ADAMTSL1: variants seen among roughly 807,000 people sequenced by gnomAD.
ADAMTSL1 encodes ADAMTS like 1.
A neutral mutation model predicts 201.8 loss-of-function variants in ADAMTSL1; 126 were observed. The observed-to-expected ratio is 0.62, with a 90% confidence interval of 0.54 to 0.72. The LOEUF (loss-of-function observed/expected upper bound fraction) is 0.72. Among genes scored for constraint, ADAMTSL1 ranks in the 30% least tolerant of loss-of-function variants. ADAMTSL1 has a pLI of 0.00. For synonymous variants in ADAMTSL1, 1,121 were observed against 903.4 expected, an observed-to-expected ratio of 1.24 and a Z score of -4.32; for missense variants, 2,679 against 2,277.8, an observed-to-expected ratio of 1.18 and a Z score of -3.59.
At chr9:17,952,009 C>T (rs1393240602) in intron 1 of ADAMTSL1, among the ~76,000 whole-genome samples, 2 of 152,000 alleles carry the variant, frequency 1.3e-5, no homozygotes, top group African/African-American at 2.4e-5. Context: ...CTGTATTGCC[C>T]AGGCTAGTCT....
chr9:17,915,331 T>C (rs1826051922), intron 1 of ADAMTSL1, among the ~76,000 whole-genome samples: 1 of 152,216 alleles, frequency 6.6e-6, no homozygotes, highest in African/African-American at 2.4e-5. Flanking sequence ...AGGAGGCTTT[T>C]GGCTTTTTCC....
At chr9:18,543,241 T>A (rs900116288) in intron 3 of ADAMTSL1, among the ~76,000 whole-genome samples, 2 of 152,208 alleles carry the variant, frequency 1.3e-5, no homozygotes. Context: ...GGTTTGTGTG[T>A]TTCTCCTTTT....
At chr9:18,163,520 ACATATGAGTTCAGATC>A (rs1563777322) in intron 1 of ADAMTSL1, among the ~76,000 whole-genome samples, 1 of 151,968 alleles carries the variant, frequency 6.6e-6, no homozygotes, top group Non-Finnish European at 1.5e-5. Context: ...GGTCCAAGAC[ACATATGAGTTCAGATC>A]CATGGATAGC....
chr9:18,293,396 T>C (rs1187883356), intron 2 of ADAMTSL1, among the ~76,000 whole-genome samples: 1 of 152,244 alleles, frequency 6.6e-6, no homozygotes. Flanking sequence ...AGGAGGCATA[T>C]GTCATCAAGA....
intron 1 of ADAMTSL1, among the ~76,000 whole-genome samples, chr9:18,035,562 G>A (rs1821159910): frequency 1.3e-5 from 2 of 152,074 alleles, no homozygotes; most frequent in African/African-American, 4.8e-5. Context: ...TTGTTCAGAT[G>A]ATCCCCTTCT....
At chr9:18,187,656 T>C (rs1417098033) in intron 2 of ADAMTSL1, among the ~76,000 whole-genome samples, 2 of 152,146 alleles carry the variant, frequency 1.3e-5, no homozygotes, top group Non-Finnish European at 2.9e-5. Flanking sequence ...TTTTAATATA[T>C]ATTTGGACTT....
chr9:18,303,523 A>G (rs968237328), intron 2 of ADAMTSL1, among the ~76,000 whole-genome samples: 1 of 152,192 alleles, frequency 6.6e-6, no homozygotes, highest in Admixed American at 6.5e-5. Context: ...GGGCTTCTTC[A>G]GCTACCATAA....
Position 18,904,732 on chromosome 9 carries a change from CT to C in ADAMTSL1, c.4852-1031del, listed in dbSNP as rs373922316. On this transcript the variant is annotated intron_variant, in intron 26 of 28. Coordinates refer to ENST00000380548, the MANE Select transcript of ADAMTSL1 (RefSeq NM_001040272.6). ...ATCCCAGTCATTGGTGTTAAGGGGG[CT>C]TTTTTTTTTTTTTTTTTTACATTTA... is the stretch of plus-strand genomic sequence containing the variant. Among the ~76,000 whole-genome samples the C allele has an allele frequency of 2.6e-3, 146 of 55,248 alleles. 1 individual carries two copies. In the South Asian group the frequency reaches 0.03, roughly 11 times the overall value. 36.2% of individuals were successfully genotyped at this position (55,248 alleles called of 152,430 possible).
chr9:18,857,488 G>C (rs1166045178), intron 23 of ADAMTSL1, among the ~76,000 whole-genome samples: 2 of 152,188 alleles, frequency 1.3e-5, no homozygotes, highest in Non-Finnish European at 2.9e-5. Flanking sequence ...CACATGATTA[G>C]ATGAGTCTTT....
chr9:17,973,044 A>T (rs1366057002), intron 1 of ADAMTSL1, among the ~76,000 whole-genome samples: 1 of 24,452 alleles, frequency 4.1e-5, no homozygotes. Context: ...GTTTGAGTTC[A>T]TTGTAGATTC....
At chr9:18,587,943 G>C (rs1260364458) in intron 4 of ADAMTSL1, among the ~76,000 whole-genome samples, 6 of 152,136 alleles carry the variant, frequency 3.9e-5, no homozygotes, top group African/African-American at 7.2e-5. Context: ...TGGGAATGCA[G>C]GTATCTCTTT....
At chr9:18,147,742 G>C (rs923768674) in intron 1 of ADAMTSL1, among the ~76,000 whole-genome samples, 3 of 152,076 alleles carry the variant, frequency 2.0e-5, no homozygotes, top group Non-Finnish European at 4.4e-5. Context: ...TTATCTAGAG[G>C]CTGTTCCATT....
chr9:18,045,517 A>G (rs1293010993), intron 1 of ADAMTSL1, among the ~76,000 whole-genome samples: 1 of 152,198 alleles, frequency 6.6e-6, no homozygotes, highest in Non-Finnish European at 1.5e-5. Flanking sequence ...TCTGTCTACA[A>G]AGATACCCAT....
chr9:18,524,890 G>A (rs775501554), intron 2 of ADAMTSL1, among the ~76,000 whole-genome samples: 5 of 152,268 alleles, frequency 3.3e-5, no homozygotes, highest in Admixed American at 6.5e-5. Context: ...AGGGATATTG[G>A]TCTAAAATTC....
At chr9:17,971,772 A>C (rs1393228286) in intron 1 of ADAMTSL1, among the ~76,000 whole-genome samples, 5 of 151,958 alleles carry the variant, frequency 3.3e-5, no homozygotes, top group Non-Finnish European at 7.4e-5. Context: ...ATACATTTTT[A>C]ACTTCTTAAA....
At chr9:17,992,118 G>A (rs1420444892) in intron 1 of ADAMTSL1, among the ~76,000 whole-genome samples, 1 of 152,102 alleles carries the variant, frequency 6.6e-6, no homozygotes. Flanking sequence ...GCCATATAGA[G>A]TATGGGTATA....
chr9:17,941,673 C>T (rs974585968), intron 1 of ADAMTSL1, among the ~76,000 whole-genome samples: 2 of 151,996 alleles, frequency 1.3e-5, no homozygotes, highest in Admixed American at 1.3e-4. Context: ...CCAGTGTAGT[C>T]ATATGTATGT....
chr9:18,240,901 C>T (rs142953345), intron 2 of ADAMTSL1, among the ~76,000 whole-genome samples: 2 of 152,256 alleles, frequency 1.3e-5, no homozygotes, highest in African/African-American at 4.8e-5. Context: ...ACCTCTGCTA[C>T]CTTCAAATTT....
intron 23 of ADAMTSL1, among the ~76,000 whole-genome samples, chr9:18,879,788 G>C (rs1828413436): frequency 6.6e-6 from 1 of 152,210 alleles, no homozygotes; most frequent in Non-Finnish European, 1.5e-5. Flanking sequence ...AATGAAGTTT[G>C]CTGCATCGAT....
Sources: allele counts gnomAD v4.1 joint callset (sites outside exome capture counted in the v4.1 genomes callset), GRCh38; gene constraint gnomAD v4.1.1; transcripts MANE v1.5; gene names NCBI Gene and HGNC (gene_info 2026-07-23, HGNC 2026-07-21).